CADM2: variants seen among roughly 807,000 people sequenced by gnomAD.
CADM2 encodes the protein cell adhesion molecule 2.
Under a neutral mutation model 49.8 loss-of-function variants are expected in CADM2, and 12 were observed. That is an observed-to-expected ratio of 0.24 (90% CI 0.15 to 0.39). The LOEUF (loss-of-function observed/expected upper bound fraction) is 0.39, where lower values mean the gene tolerates loss of function less well. Ranked by LOEUF, CADM2 falls within the 10% of genes least tolerant of loss-of-function variation. CADM2 has a pLI of 1.00. For synonymous variants in CADM2, 214 were observed against 175.4 expected (o/e 1.22, Z -1.74); for missense variants, 378 against 492.3 (o/e 0.77, Z 2.20).
At chr3:85,236,686 A>C (rs1342901307) in intron 1 of CADM2, among the ~76,000 whole-genome samples, 1 of 152,120 alleles carries the variant, frequency 6.6e-6, no homozygotes, top group African/African-American at 2.4e-5. Context: ...AAGCTATGCT[A>C]CCATTGGGCC....
At chr3:85,109,126 G>A (rs911063075) in intron 1 of CADM2, among the ~76,000 whole-genome samples, 4 of 152,014 alleles carry the variant, frequency 2.6e-5, no homozygotes, top group African/African-American at 9.7e-5. Context: ...TGTGGGAGGA[G>A]GGGGAAGTGA....
chr3:85,432,621 T>C (rs2036734087), intron 1 of CADM2, among the ~76,000 whole-genome samples: 1 of 152,100 alleles, frequency 6.6e-6, no homozygotes, highest in Non-Finnish European at 1.5e-5. Context: ...GTAGTGTACA[T>C]AAAACAACAC....
At chr3:84,966,737 C>G (rs2031023204) in intron 1 of CADM2, among the ~76,000 whole-genome samples, 1 of 152,006 alleles carries the variant, frequency 6.6e-6, no homozygotes, top group South Asian at 2.1e-4. Flanking sequence ...AATATTAACA[C>G]AGTCATTGTT....
At chr3:85,108,946 A>C (rs1045085837) in intron 1 of CADM2, among the ~76,000 whole-genome samples, 5 of 152,196 alleles carry the variant, frequency 3.3e-5, no homozygotes, top group African/African-American at 9.6e-5. Context: ...GTTAACTAAA[A>C]CCCTAAATAA....
chr3:85,218,393 A>G (rs76698015), intron 1 of CADM2, among the ~76,000 whole-genome samples: 3,281 of 152,252 alleles, frequency 0.022, 61 homozygotes, highest in Non-Finnish European at 0.035. Context: ...TGGCTCCCCT[A>G]TCATCAGCCT....
chr3:85,705,423 A>G (rs1448600), intron 1 of CADM2, among the ~76,000 whole-genome samples: 55,333 of 151,946 alleles, frequency 0.36, 10,571 homozygotes, highest in Non-Finnish European at 0.41. Flanking sequence ...TCACATTAGT[A>G]AATGATGAGG....
At chr3:85,690,368 G>T (rs1291111475) in intron 1 of CADM2, among the ~76,000 whole-genome samples, 3 of 152,108 alleles carry the variant, frequency 2.0e-5, no homozygotes, top group Admixed American at 1.3e-4. Flanking sequence ...AATTATGAGA[G>T]ATGTAGTTAA....
At chr3:85,379,707 T>C (rs2033791626) in intron 1 of CADM2, among the ~76,000 whole-genome samples, 1 of 152,018 alleles carries the variant, frequency 6.6e-6, no homozygotes, top group South Asian at 2.1e-4. Flanking sequence ...ATTCACAGGA[T>C]CAAGTAATTG....
chr3:85,608,348 G>T (rs1344624491), intron 1 of CADM2, among the ~76,000 whole-genome samples: 2 of 152,026 alleles, frequency 1.3e-5, no homozygotes, highest in Non-Finnish European at 2.9e-5. Flanking sequence ...TTTGTAAAAA[G>T]CATCACTCCT....
intron 3 of CADM2, among the ~76,000 whole-genome samples, chr3:85,804,999 G>A (rs2072312699): frequency 6.6e-6 from 1 of 152,042 alleles, no homozygotes; most frequent in South Asian, 2.1e-4. Flanking sequence ...GGAGTTCAGT[G>A]GCACGATCTT....
chr3:85,485,873 G>A (rs2039394694), intron 1 of CADM2, among the ~76,000 whole-genome samples: 1 of 152,018 alleles, frequency 6.6e-6, no homozygotes, highest in Non-Finnish European at 1.5e-5. Context: ...TGAGTATGTG[G>A]TAATACAAAA....
At chr3:85,719,366 C>T (rs1396772838) in intron 1 of CADM2, among the ~76,000 whole-genome samples, 1 of 152,026 alleles carries the variant, frequency 6.6e-6, no homozygotes, top group Non-Finnish European at 1.5e-5. Flanking sequence ...GGGTTAGGGC[C>T]ACTGACTCCC....
intron 5 of CADM2, among the ~76,000 whole-genome samples, chr3:85,889,755 G>T (rs1714164516): frequency 1.3e-5 from 2 of 152,084 alleles, no homozygotes; most frequent in African/African-American, 2.4e-5. Flanking sequence ...ATGATGAGTT[G>T]TACCAATTCC....
chr3:85,306,587 A>G (rs1368121102), intron 1 of CADM2, among the ~76,000 whole-genome samples: 2 of 151,708 alleles, frequency 1.3e-5, no homozygotes, highest in Non-Finnish European at 3.0e-5. Context: ...CACTGTTTGT[A>G]TGTTTCTGCC....
At chr3:86,052,024 C>T (rs994505762) in intron 8 of CADM2, among the ~76,000 whole-genome samples, 1 of 151,908 alleles carries the variant, frequency 6.6e-6, no homozygotes, top group African/African-American at 2.4e-5. Context: ...ACAGTTCGAA[C>T]CCTTGGTGAA....
chr3:85,842,010 T>A (rs1367616443), intron 3 of CADM2, among the ~76,000 whole-genome samples: 1 of 152,134 alleles, frequency 6.6e-6, no homozygotes, highest in African/African-American at 2.4e-5. Flanking sequence ...CCCTTTATCA[T>A]GCTCACATTA....
chr3:85,417,639 G>A (rs1484632611), intron 1 of CADM2, among the ~76,000 whole-genome samples: 1 of 152,058 alleles, frequency 6.6e-6, no homozygotes, highest in Non-Finnish European at 1.5e-5. Flanking sequence ...TACCAGGCAG[G>A]TGCTATTTAT....
intron 1 of CADM2, among the ~76,000 whole-genome samples, chr3:85,087,123 C>T (rs2037410765): frequency 6.6e-6 from 1 of 152,184 alleles, no homozygotes; most frequent in South Asian, 2.1e-4. Flanking sequence ...CTTCTGATGA[C>T]AGCAGAAAAA....
At chr3:85,855,851 C>T (rs1443976161) in intron 3 of CADM2, among the ~76,000 whole-genome samples, 1 of 151,856 alleles carries the variant, frequency 6.6e-6, no homozygotes, top group Non-Finnish European at 1.5e-5. Flanking sequence ...TGGTCTCGAT[C>T]TCCTGACCTC....
Sources: gnomAD v4.1 joint callset for allele counts (sites outside exome capture counted in the v4.1 genomes callset) on GRCh38, gnomAD v4.1.1 for gene constraint, MANE v1.5 for transcripts, NCBI Gene and HGNC (gene_info 2026-07-23, HGNC 2026-07-21) for gene names.